ENTPD5: variants seen among roughly 807,000 people sequenced by gnomAD.
ENTPD5 encodes the protein ectonucleoside triphosphate diphosphohydrolase 5 (inactive).
Under a neutral mutation model 60.2 loss-of-function variants are expected in ENTPD5, and 49 were observed. The ratio of observed to expected loss-of-function variants is 0.81; its 90% confidence interval spans 0.65 to 1.03. The LOEUF is 1.03. Among genes scored for constraint, ENTPD5 ranks in the 50% least tolerant of loss-of-function variants. The pLI is 0.00. For synonymous variants in ENTPD5, 187 were observed against 185.4 expected (o/e 1.01, Z -0.07); for missense variants, 480 against 507.6 (o/e 0.95, Z 0.52).
downstream of ENTPD5, chr14:73,959,386 C>T: frequency 6.2e-7 from 1 of 1,614,122 alleles, no homozygotes; most frequent in Non-Finnish European, 8.5e-7. Flanking sequence ...AGAGTCTTAG[C>T]CGTTGGTATT....
intron 3 of ENTPD5, among the ~76,000 whole-genome samples, chr14:73,991,666 G>C (rs917843480): frequency 1.4e-5 from 2 of 146,504 alleles, no homozygotes; most frequent in Non-Finnish European, 3.0e-5. Flanking sequence ...GTGTAAGGTA[G>C]GATGTTTAGC....
At chr14:73,958,678 G>A (rs1442382262), downstream of ENTPD5, 13 of 1,331,886 alleles carry the variant, frequency 9.8e-6, no homozygotes, top group East Asian at 3.4e-4. Context: ...TCCAGTGTGT[G>A]CCCCATACTG....
intron 3 of ENTPD5, among the ~76,000 whole-genome samples, chr14:73,994,347 G>A (rs986872895): frequency 1.3e-5 from 2 of 151,604 alleles, no homozygotes; most frequent in Admixed American, 6.6e-5. Flanking sequence ...GGCTGGTTTC[G>A]AACTCCTGAC....
chr14:74,015,092 A>T (rs1267122739), intron 2 of ENTPD5, among the ~76,000 whole-genome samples: 1 of 152,018 alleles, frequency 6.6e-6, no homozygotes, highest in East Asian at 1.9e-4. Context: ...AAAAAAAAAA[A>T]AAAGAAAGTA....
At position 73,977,280 on chromosome 14, in the gene ENTPD5, A is replaced by G. The variant is rs373181650; in HGVS notation, c.517+19T>C. 15 of 1,597,410 alleles carry G rather than the reference A, an allele frequency of 9.4e-6. No homozygotes were observed. Among genetic ancestry groups the G allele is most frequent in the Admixed American group, 1.7e-5 (1 of 59,232 alleles). On this transcript the variant is annotated intron_variant, in intron 7 of 15. Transcript: ENST00000334696. ...TCCTGCCCCTCTCCCCCTGGAACGC[A>G]TATCAACACCTCTCCCACCTTCGTC...
chr14:73,957,925 C>CA (rs1195195613), downstream of ENTPD5: 1 of 512,316 alleles, frequency 2.0e-6, no homozygotes, highest in Non-Finnish European at 3.5e-6. Flanking sequence ...GTGCCTCTGA[C>CA]AGAGTTCACT....
intron 3 of ENTPD5, among the ~76,000 whole-genome samples, chr14:73,989,146 G>A (rs1383901798): frequency 6.6e-6 from 1 of 152,040 alleles, no homozygotes; most frequent in Non-Finnish European, 1.5e-5. Flanking sequence ...TATAGGGTGG[G>A]GGCCAGGAAC....
At chr14:73,977,148 T>G in intron 7 of ENTPD5, 89 bp from the exon 8 acceptor site, 1 of 1,345,928 alleles carries the variant, frequency 7.4e-7, no homozygotes, top group South Asian at 1.2e-5. Flanking sequence ...CCTCTCTAAA[T>G]TCCATGTCTA....
At chr14:73,955,883 G>T (rs140725181), downstream of ENTPD5, 65 of 1,614,042 alleles carry the variant, frequency 4.0e-5, no homozygotes, top group Admixed American at 4.7e-4. Flanking sequence ...CGTGGAGAAT[G>T]ATGTCATCAT....
At chr14:73,987,775 T>G in intron 4 of ENTPD5, 111 bp downstream of exon 4, 1 of 875,474 alleles carries the variant, frequency 1.1e-6, no homozygotes, top group Non-Finnish European at 1.8e-6. Context: ...AGACATCCAC[T>G]AGGTGTGAGA....
intron 3 of ENTPD5, among the ~76,000 whole-genome samples, chr14:74,005,573 T>TCAAG (rs2058655118): frequency 2.0e-5 from 3 of 152,012 alleles, no homozygotes; most frequent in Non-Finnish European, 4.4e-5. Flanking sequence ...TTCGGGAGGC[T>TCAAG]GAGGGGAGTG....
At chr14:73,990,478 G>A (rs1185215339) in intron 3 of ENTPD5, among the ~76,000 whole-genome samples, 1 of 151,656 alleles carries the variant, frequency 6.6e-6, no homozygotes, top group Non-Finnish European at 1.5e-5. Context: ...GGGATTACAC[G>A]TGTGTGCCTC....
chr14:74,001,298 C>T (rs1409784929), intron 3 of ENTPD5, among the ~76,000 whole-genome samples: 3 of 152,032 alleles, frequency 2.0e-5, no homozygotes, highest in Non-Finnish European at 4.4e-5. Flanking sequence ...GTCAAGAGAT[C>T]GAGACCATCC....
chr14:74,000,663 C>T (rs951299984), intron 3 of ENTPD5, among the ~76,000 whole-genome samples: 1 of 151,636 alleles, frequency 6.6e-6, no homozygotes, highest in Non-Finnish European at 1.5e-5. Context: ...CCTGTAATCC[C>T]AGCTACTCAG....
At chr14:73,973,146 G>T in intron 12 of ENTPD5, 122 bp from the exon 13 acceptor site, 1 of 1,206,578 alleles carries the variant, frequency 8.3e-7, no homozygotes, top group Non-Finnish European at 1.2e-6. Context: ...GCAGGAGAAG[G>T]CTGAGGCTTG....
Position 73,987,910 on chromosome 14 carries a change from A to C in ENTPD5, c.193T>G (p.Tyr65Asp). 6.2e-7 allele frequency: 1 copy of C among 1,614,180 alleles called. No individual in the cohort carries two copies. The highest frequency in any genetic ancestry group is 1.1e-5 in the South Asian group (1 of 91,080). ...CCTGGCATTTTCTGCACAAAGGTGT[A>C]AACATGAATTCGAGTTCCAGTGCTC... is the stretch of plus-strand genomic sequence containing the variant. ...AGSTGTRIHV[Y>D]TFVQKMPGQL... The change falls in exon 4 of 16, where the codon TAC becomes GAC. Residue 65 changes from tyrosine to aspartate, a missense_variant. Tyr to Asp is a radical substitution (Grantham distance 160, BLOSUM62 -3). Transcript: ENST00000334696.
chr14:73,980,242 TG>T (rs1355062335), intron 6 of ENTPD5, among the ~76,000 whole-genome samples: 2 of 146,356 alleles, frequency 1.4e-5, no homozygotes, highest in African/African-American at 5.1e-5. Context: ...CCACCGCGCC[TG>T]GCCTACTATG....
intron 15 of ENTPD5, among the ~76,000 whole-genome samples, chr14:73,969,012 G>C (rs779171120): frequency 3.6e-4 from 55 of 152,238 alleles, no homozygotes; most frequent in Non-Finnish European, 7.2e-4. Flanking sequence ...GAGGCATTCA[G>C]TGTTCATGAG....
chr14:73,979,322 C>T (rs556339346), intron 6 of ENTPD5, among the ~76,000 whole-genome samples: 7 of 151,890 alleles, frequency 4.6e-5, no homozygotes, highest in South Asian at 2.1e-4. Context: ...CAGAACCTAA[C>T]ATAACTTTCT....
Sources: gnomAD v4.1 joint callset for allele counts (sites outside exome capture counted in the v4.1 genomes callset) on GRCh38, gnomAD v4.1.1 for gene constraint, MANE v1.5 for transcripts, NCBI Gene and HGNC (gene_info 2026-07-23, HGNC 2026-07-21) for gene names.